Variants in EGFL6 observed in about 807,000 individuals in gnomAD.
The protein encoded by EGFL6 is EGF like domain multiple 6.
EGFL6 carries 42 observed loss-of-function variants against 43.1 expected under a neutral mutation model. The ratio of observed to expected loss-of-function variants is 0.98; its 90% confidence interval spans 0.76 to 1.26. The LOEUF (loss-of-function observed/expected upper bound fraction) is 1.26, where lower values mean the gene tolerates loss of function less well. EGFL6 is among the 50% of genes most tolerant of loss of function. The pLI, the probability that EGFL6 is intolerant of heterozygous loss-of-function variation, is 0.00. For synonymous variants in EGFL6, 164 were observed against 163.2 expected (o/e 1.01, Z -0.04); for missense variants, 429 against 427.8 (o/e 1.00, Z -0.02).
Position 13,589,588 on chromosome X carries a change from G to T in EGFL6, c.107G>T (p.Arg36Leu), listed in dbSNP as rs759499428. The T allele has an allele frequency of 8.3e-7, 1 of 1,210,894 alleles. No individual in the cohort carries two copies. Among genetic ancestry groups the T allele is most frequent in the Admixed American group, 2.2e-5 (1 of 45,956 alleles). ...ARHHGLLASA[R>L]QPGVCHYGTK... ...CATCACGGGTTGTTAGCATCGGCAC[G>T]TCAGCCTGGGGTCTGTCACTATGGA... is the stretch of plus-strand genomic sequence containing the variant. The change falls in exon 2 of 12, where the codon CGT becomes CTT. Residue 36 changes from arginine (R) to leucine (L), a missense_variant. Coordinates refer to ENST00000361306, the MANE Select transcript of EGFL6 (RefSeq NM_015507.4).
In EGFL6 at chrX:13,630,074, G is replaced by T. The variant is rs780996832; in HGVS notation, c.1551+2798G>T. On this transcript the variant is annotated intron_variant, in intron 11 of 11. Transcript: ENST00000361306. Reference sequence around the variant, plus strand: ...ATTTTCTGCCCAGGGCTCTGCCAGGGAGATGCAGTGGTACAGCATCCTAGT... The same window carrying T: ...ATTTTCTGCCCAGGGCTCTGCCAGGTAGATGCAGTGGTACAGCATCCTAGT... 2.1e-4 allele frequency among the ~76,000 whole-genome samples: 23 copies of T among 111,600 alleles called. No individual in the cohort carries two copies. In the East Asian group the frequency reaches 6.2e-3, roughly 30 times the overall value.
chrX:13,572,129 G>T (rs983621545), intron 1 of EGFL6, among the ~76,000 whole-genome samples: 1 of 111,631 alleles, frequency 9.0e-6, no homozygotes, highest in Non-Finnish European at 1.9e-5. Context: ...TTCAGAATTT[G>T]GCTTGCCTTA....
chrX:13,617,372 C>G (rs1248755919), intron 7 of EGFL6, among the ~76,000 whole-genome samples: 1 of 112,000 alleles, frequency 8.9e-6, no homozygotes, highest in East Asian at 2.8e-4. Context: ...ATAGGGCTAT[C>G]AGGACAATAC....
intron 1 of EGFL6, among the ~76,000 whole-genome samples, chrX:13,578,721 T>C (rs1423629340): frequency 1.8e-5 from 2 of 109,477 alleles, no homozygotes; most frequent in Non-Finnish European, 3.8e-5. Flanking sequence ...TAGGTGGGAA[T>C]TGAACAATGA....
At chrX:13,616,194 T>C (rs902406316) in intron 7 of EGFL6, among the ~76,000 whole-genome samples, 1 of 112,306 alleles carries the variant, frequency 8.9e-6, no homozygotes, top group Non-Finnish European at 1.9e-5. Context: ...CATGAGTATA[T>C]CCCTGAAAAG....
At chrX:13,578,738 T>A (rs910461198) in intron 1 of EGFL6, among the ~76,000 whole-genome samples, 2 of 108,623 alleles carry the variant, frequency 1.8e-5, no homozygotes, top group East Asian at 2.9e-4. Context: ...ATGAGAACAC[T>A]TGGACACAGG....
intron 9 of EGFL6, among the ~76,000 whole-genome samples, chrX:13,623,175 C>G (rs2045757254): frequency 1.8e-5 from 2 of 108,900 alleles, no homozygotes. Flanking sequence ...AGTGACAGAG[C>G]AAGAACCTGT....
chrX:13,587,121 G>C (rs746706679), intron 1 of EGFL6, among the ~76,000 whole-genome samples: 1 of 112,094 alleles, frequency 8.9e-6, no homozygotes, highest in Non-Finnish European at 1.9e-5. Flanking sequence ...TATTTTTGGG[G>C]TGATGGAAAT....
chrX:13,632,879 C>T lies in EGFL6; in HGVS notation c.1552-106C>T, dbSNP rs749496027. On this transcript the variant is annotated intron_variant, in intron 11 of 11. Transcript: ENST00000361306. ...ATTACAGTATATTCAATGTCGAAGC[C>T]GGTTTCTATGAAATAGGGACACGAG... 215 of 708,721 alleles carry T rather than the reference C, an allele frequency of 3.0e-4. No individual in the cohort carries two copies. In the South Asian group the frequency reaches 4.0e-3, roughly 13 times the overall value. The allele number at this position is 708,721 out of a possible 1,213,427, so 58.4% of individuals were successfully genotyped here.
chrX:13,583,098 G>T (rs2146963934), intron 1 of EGFL6, among the ~76,000 whole-genome samples: 1 of 109,374 alleles, frequency 9.1e-6, no homozygotes, highest in East Asian at 2.9e-4. Context: ...TTTTTCTTTT[G>T]CCCCCTGCTG....
In EGFL6 at chrX:13,598,175, C is replaced by T. The variant is rs773819469; in HGVS notation, c.281-1800C>T. ...CAAGCTATGGGATATTCCTGGGTTT[C>T]CCGTTATGTCCAATCAGCATTTTTC... is the stretch of plus-strand genomic sequence containing the variant. On this transcript the variant is annotated intron_variant, in intron 3 of 11. Transcript: ENST00000361306. Among the ~76,000 whole-genome samples, 3 of 112,064 alleles carry T rather than the reference C, an allele frequency of 2.7e-5. No homozygotes were observed. In the South Asian group the frequency reaches 1.1e-3, roughly 42 times the overall value.
chrX:13,595,998 G>A (rs1373021911), intron 3 of EGFL6, among the ~76,000 whole-genome samples: 1 of 111,219 alleles, frequency 9.0e-6, no homozygotes, highest in Non-Finnish European at 1.9e-5. Flanking sequence ...GGAATTAAAG[G>A]CTTAGCCACC....
Position 13,589,584 on chromosome X carries a change from G to A in EGFL6, c.103G>A (p.Ala35Thr). The change falls in exon 2 of 12, where the codon GCA (alanine) becomes ACA (threonine). Residue 35 changes from alanine to threonine, a missense_variant. Transcript: ENST00000361306. ...SARHHGLLAS[A>T]RQPGVCHYGT... ...AAGGCATCACGGGTTGTTAGCATCGGCACGTCAGCCTGGGGTCTGTCACTA... is the reference window on the plus strand; with the variant it reads ...AAGGCATCACGGGTTGTTAGCATCGACACGTCAGCCTGGGGTCTGTCACTA... 8.3e-7 allele frequency: 1 copy of A among 1,210,722 alleles called. No homozygotes were observed. The highest frequency in any genetic ancestry group is 1.1e-6 in the Non-Finnish European group (1 of 894,967).
intron 9 of EGFL6, among the ~76,000 whole-genome samples, chrX:13,621,213 G>A (rs2045746866): frequency 8.9e-6 from 1 of 112,487 alleles, no homozygotes. Flanking sequence ...TAAGTGAGAT[G>A]GGGAGACAAG....
Position 13,608,412 on chromosome X carries a change from G to A in EGFL6, c.744G>A (p.Lys248=). 8.3e-7 allele frequency: 1 copy of A among 1,211,464 alleles called. No individual in the cohort carries two copies. The highest frequency in any genetic ancestry group is 1.1e-6 in the Non-Finnish European group (1 of 895,267). The part of the protein sequence containing the change: ...NTQGSFKCKC[K]QGYKGNGLRC... ...AAGGGTCCTTCAAGTGTAAATGCAA[G>A]CAGGGATATAAAGGCAATGGACTTC... is the stretch of plus-strand genomic sequence containing the variant. The change falls in exon 7 of 12, where the codon AAG becomes AAA. Residue 248 remains lysine, a synonymous_variant. Transcript: ENST00000361306.
At chrX:13,578,411 C>T (rs1360389563) in intron 1 of EGFL6, among the ~76,000 whole-genome samples, 1 of 107,568 alleles carries the variant, frequency 9.3e-6, no homozygotes, top group East Asian at 2.9e-4. Context: ...CCATTAGACC[C>T]AGCCATCCCA....
chrX:13,584,469 C>T (rs2045524144), intron 1 of EGFL6, among the ~76,000 whole-genome samples: 1 of 111,834 alleles, frequency 8.9e-6, no homozygotes, highest in South Asian at 3.8e-4. Context: ...TTACCATCTA[C>T]CTGCAGATGA....
At chrX:13,582,717 G>A (rs2045514060) in intron 1 of EGFL6, among the ~76,000 whole-genome samples, 1 of 111,213 alleles carries the variant, frequency 9.0e-6, no homozygotes, top group South Asian at 3.8e-4. Context: ...TTTCTCTGGA[G>A]AGTTGTGGTA....
intron 3 of EGFL6, among the ~76,000 whole-genome samples, chrX:13,597,717 G>C (rs1379026099): frequency 9.0e-6 from 1 of 111,252 alleles, no homozygotes; most frequent in African/African-American, 3.3e-5. Flanking sequence ...CTGGGAGGTG[G>C]AGGTTGCAGT....
Sources: gnomAD v4.1 joint callset for allele counts (sites outside exome capture counted in the v4.1 genomes callset) on GRCh38, gnomAD v4.1.1 for gene constraint, MANE v1.5 for transcripts, NCBI Gene and HGNC (gene_info 2026-07-23, HGNC 2026-07-21) for gene names.